The following TCF7L2 variants were observed in gnomAD, a reference collection of about 807,000 sequenced individuals.
TCF7L2 encodes the protein transcription factor 7 like 2, also known as transcription factor 7-like 2.
TCF7L2 carries 23 observed loss-of-function variants against 77.9 expected under a neutral mutation model. That is an observed-to-expected ratio of 0.30 (90% CI 0.21 to 0.42). TCF7L2 has a LOEUF of 0.42. TCF7L2 is among the 10% of genes least tolerant of loss of function. The pLI is 1.00. For missense variants in TCF7L2, 654 were observed against 793.1 expected (o/e 0.82, Z 2.11); for synonymous variants, 413 against 340.2 (o/e 1.21, Z -2.36).
intron 3 of TCF7L2, among the ~76,000 whole-genome samples, chr10:112,954,373 A>G (rs1162227884): frequency 6.6e-6 from 1 of 152,136 alleles, no homozygotes; most frequent in African/African-American, 2.4e-5. Context: ...TAAGAATGTA[A>G]AGAATTAGAG....
intron 4 of TCF7L2, among the ~76,000 whole-genome samples, chr10:112,973,631 C>T (rs1010512920): frequency 1.3e-5 from 2 of 151,972 alleles, no homozygotes; most frequent in African/African-American, 4.8e-5. Context: ...ACTCTGTTAC[C>T]CAGGCTGGAG....
At position 113,073,129 on chromosome 10, in the gene TCF7L2, T is replaced by TGTGTGTGTGTGTGAGAGAGA. The variant is rs56927661; in HGVS notation, c.552+33004_552+33005insTGTGTGTGTGTGAGAGAGAG. ...GTGTGTGTGTGTGTGTGTGTGTGTGTGAGAGAGAGAGAGAGAGAGAGACAG... is the reference window on the plus strand; with the variant it reads ...GTGTGTGTGTGTGTGTGTGTGTGTGTGTGTGTGTGTGTGAGAGAGAGAGAGAGAGAGAGAGAGAGAGACAG... On this transcript the variant is annotated intron_variant, in intron 5 of 13. Transcript: ENST00000627217. Among the ~76,000 whole-genome samples the TGTGTGTGTGTGTGAGAGAGA allele has an allele frequency of 3.7e-4, 46 of 123,574 alleles. 1 individual carries two copies. Among genetic ancestry groups the TGTGTGTGTGTGTGAGAGAGA allele is most frequent in the African/African-American group, 1.2e-3 (40 of 32,708 alleles). 81.1% of individuals were successfully genotyped at this position (123,574 alleles called of 152,430 possible). A position where few individuals can be genotyped will look rare whatever the true frequency, so the allele number is the denominator to read the frequency against.
chr10:112,991,393 A>T (rs1261858573), intron 4 of TCF7L2, among the ~76,000 whole-genome samples: 2 of 150,220 alleles, frequency 1.3e-5, no homozygotes, highest in Non-Finnish European at 2.9e-5. Flanking sequence ...CTGTAGTCCC[A>T]GCTGCTCGGG....
intron 5 of TCF7L2, among the ~76,000 whole-genome samples, chr10:113,073,129 T>TGTGTGAGAGA (rs56927661): frequency 3.2e-5 from 4 of 123,582 alleles, no homozygotes; most frequent in South Asian, 3.1e-4. Flanking sequence ...TGTGTGTGTG[T>TGTGTGAGAGA]GAGAGAGAGA....
chr10:113,161,644 G>T, intron 13 of TCF7L2: 2 of 1,534,990 alleles, frequency 1.3e-6, no homozygotes. Context: ...CCTGTTTGTA[G>T]TGCCTCCCTC....
chr10:113,039,560 T>G (rs935071730), intron 4 of TCF7L2, among the ~76,000 whole-genome samples: 2 of 152,162 alleles, frequency 1.3e-5, no homozygotes, highest in African/African-American at 2.4e-5. Flanking sequence ...TCCTTTAAAG[T>G]GAAGGATGAT....
intron 3 of TCF7L2, among the ~76,000 whole-genome samples, chr10:112,963,124 AT>A (rs1442225422): frequency 6.6e-6 from 1 of 152,036 alleles, no homozygotes; most frequent in Non-Finnish European, 1.5e-5. Context: ...AATGTTTTCT[AT>A]TTGTTTATTT....
intron 5 of TCF7L2, among the ~76,000 whole-genome samples, chr10:113,080,103 T>C (rs866627180): frequency 6.6e-6 from 1 of 151,982 alleles, no homozygotes; most frequent in South Asian, 2.1e-4. Flanking sequence ...CCCACATACA[T>C]GCACACACAA....
intron 5 of TCF7L2, among the ~76,000 whole-genome samples, chr10:113,091,093 G>C (rs932603655): frequency 6.6e-6 from 1 of 152,044 alleles, no homozygotes; most frequent in African/African-American, 2.4e-5. Context: ...ATAGAGACAG[G>C]GTTTTGCCAT....
At chr10:113,010,859 C>T (rs927046985) in intron 4 of TCF7L2, among the ~76,000 whole-genome samples, 9 of 152,092 alleles carry the variant, frequency 5.9e-5, no homozygotes, top group Non-Finnish European at 8.8e-5. Flanking sequence ...ACTAAAAATA[C>T]AAAAATATTA....
At chr10:113,150,761 G>C (rs948568831) in intron 8 of TCF7L2, among the ~76,000 whole-genome samples, 24 of 152,190 alleles carry the variant, frequency 1.6e-4, no homozygotes, top group African/African-American at 5.8e-4. Context: ...TTTTGCTAAA[G>C]ATGTTAAAAA....
Position 113,065,620 on chromosome 10 carries a change from G to A in TCF7L2, c.552+25494G>A, listed in dbSNP as rs1287729083. On this transcript the variant is annotated intron_variant, in intron 5 of 13. Coordinates refer to ENST00000627217, the MANE Select transcript of TCF7L2 (RefSeq NM_001146274.2). ...GGGGCTTCTGAAGGGGTAGGGTCATGTAGCCTGGTGGTTAGGACCTCTGGC... is the reference window on the plus strand; with the variant it reads ...GGGGCTTCTGAAGGGGTAGGGTCATATAGCCTGGTGGTTAGGACCTCTGGC... Among the ~76,000 whole-genome samples, 5 of 152,312 alleles carry A rather than the reference G, an allele frequency of 3.3e-5. No homozygotes were observed. In the East Asian group the frequency reaches 9.6e-4, roughly 29 times the overall value.
chr10:113,111,317 C>T (rs2063102708), intron 5 of TCF7L2, among the ~76,000 whole-genome samples: 1 of 152,124 alleles, frequency 6.6e-6, no homozygotes, highest in Non-Finnish European at 1.5e-5. Context: ...CTTTGATTCA[C>T]TGATATATCT....
intron 4 of TCF7L2, among the ~76,000 whole-genome samples, chr10:113,038,960 T>TCACA (rs768700710): frequency 4.6e-5 from 7 of 152,208 alleles, no homozygotes; most frequent in African/African-American, 7.2e-5. Flanking sequence ...GACCAAGGTG[T>TCACA]CTCCTTATAT....
At chr10:112,962,173 T>C (rs769868246) in intron 3 of TCF7L2, among the ~76,000 whole-genome samples, 1 of 152,138 alleles carries the variant, frequency 6.6e-6, no homozygotes, top group Non-Finnish European at 1.5e-5. Flanking sequence ...ATATCCTTAG[T>C]TATCAGGTGT....
At chr10:113,104,862 A>G (rs966387234) in intron 5 of TCF7L2, among the ~76,000 whole-genome samples, 1 of 152,190 alleles carries the variant, frequency 6.6e-6, no homozygotes, top group African/African-American at 2.4e-5. Context: ...TTGGTACATG[A>G]GGCTTAAACA....
chr10:113,136,651 T>C (rs942717675), intron 5 of TCF7L2, among the ~76,000 whole-genome samples: 1 of 152,186 alleles, frequency 6.6e-6, no homozygotes, highest in East Asian at 1.9e-4. Flanking sequence ...TTGAGCTGTT[T>C]CCCTTGCACA....
intron 4 of TCF7L2, among the ~76,000 whole-genome samples, chr10:113,028,619 T>C (rs1194748054): frequency 6.6e-6 from 1 of 152,186 alleles, no homozygotes; most frequent in Non-Finnish European, 1.5e-5. Context: ...GCCCAGCCTG[T>C]CTCGCATTTG....
chr10:112,980,466 T>C (rs1268433320), intron 4 of TCF7L2, among the ~76,000 whole-genome samples: 1 of 152,184 alleles, frequency 6.6e-6, no homozygotes, highest in Admixed American at 6.5e-5. Context: ...AAGGGCTTGA[T>C]TGATTTATGA....
Sources: gnomAD v4.1 joint callset for allele counts (sites outside exome capture counted in the v4.1 genomes callset) on GRCh38, gnomAD v4.1.1 for gene constraint, MANE v1.5 for transcripts, NCBI Gene and HGNC (gene_info 2026-07-23, HGNC 2026-07-21) for gene names.